Variants in PPA2 observed in about 807,000 individuals in gnomAD.
The protein encoded by PPA2 is inorganic pyrophosphatase 2, mitochondrial.
PPA2 carries 48 observed loss-of-function variants against 49.5 expected under a neutral mutation model. That is an observed-to-expected ratio of 0.97 (90% CI 0.77 to 1.23). The LOEUF (loss-of-function observed/expected upper bound fraction) is 1.23, where lower values mean the gene tolerates loss of function less well. Among genes scored for constraint, PPA2 ranks in the 50% most tolerant of loss-of-function variants. The probability of loss-of-function intolerance (pLI) is 0.00; values close to 1 mark genes in which losing one functional copy is unlikely to be tolerated. For synonymous variants in PPA2, 131 were observed against 139.9 expected, an observed-to-expected ratio of 0.94 and a Z score of 0.45; for missense variants, 429 against 410.1, an observed-to-expected ratio of 1.05 and a Z score of -0.40.
intron 10 of PPA2, among the ~76,000 whole-genome samples, chr4:105,380,764 C>A (rs1236338168): frequency 6.6e-6 from 1 of 152,016 alleles, no homozygotes; most frequent in Non-Finnish European, 1.5e-5. Context: ...ATGTCTATTG[C>A]TTTTAAAAAA....
intron 1 of PPA2, among the ~76,000 whole-genome samples, chr4:105,472,809 A>G (rs1224637482): frequency 1.3e-5 from 2 of 152,244 alleles, no homozygotes; most frequent in African/African-American, 4.8e-5. Flanking sequence ...CATAAATTAC[A>G]AATATCTATA....
intron 2 of PPA2, 54 bp from the exon 3 acceptor site, chr4:105,453,696 G>C: frequency 2.4e-6 from 3 of 1,270,134 alleles, no homozygotes; most frequent in Non-Finnish European, 3.4e-6. Context: ...GTATACAGTG[G>C]CACTGCATAG....
intron 5 of PPA2, 186 bp downstream of exon 5, chr4:105,446,197 A>G (rs1379707925): frequency 2.0e-5 from 10 of 500,302 alleles, no homozygotes; most frequent in Non-Finnish European, 3.4e-5. Context: ...GAGTATAGAC[A>G]TATATATGGT....
rs776062584 is a variant in PPA2, at chr4:105,446,434, C to T, written c.390G>A (p.Ala130=). The change falls in exon 5 of 12, where the codon GCG becomes GCA. Residue 130 remains alanine (A), a synonymous_variant. Transcript: ENST00000341695. ...YVKDGKLRYV[A]NIFPYKGYIW... ...TATAACCCTTGTAAGGGAAGATATT[C>T]GCCACATAGCGTAGCTTTCCATCCT... The T allele has an allele frequency of 9.3e-6, 15 of 1,604,930 alleles. No individual in the cohort carries two copies. The highest frequency in any genetic ancestry group is 3.3e-4 in the Middle Eastern group (2 of 6,068).
chr4:105,433,306 C>T (rs1371635284), intron 6 of PPA2, among the ~76,000 whole-genome samples: 1 of 152,130 alleles, frequency 6.6e-6, no homozygotes, highest in Non-Finnish European at 1.5e-5. Context: ...CTTAAAAAAA[C>T]ACCAAACCTC....
intron 9 of PPA2, among the ~76,000 whole-genome samples, chr4:105,392,381 A>C (rs2110384771): frequency 6.6e-6 from 1 of 152,208 alleles, no homozygotes; most frequent in African/African-American, 2.4e-5. Flanking sequence ...TTAAAAAAAA[A>C]CAAAAACAAG....
intron 4 of PPA2, among the ~76,000 whole-genome samples, chr4:105,448,552 T>C (rs6533195): frequency 0.013 from 1,896 of 149,752 alleles, 42 homozygotes; most frequent in African/African-American, 0.042. Context: ...GAAGTTCTTA[T>C]AGGTTCATTT....
At chr4:105,451,104 G>A (rs1043057129) in intron 3 of PPA2, among the ~76,000 whole-genome samples, 4 of 152,128 alleles carry the variant, frequency 2.6e-5, no homozygotes, top group East Asian at 3.9e-4. Flanking sequence ...AAGTTTCCCA[G>A]AGCCCCGTCT....
intron 8 of PPA2, among the ~76,000 whole-genome samples, chr4:105,396,678 A>G (rs1169371131): frequency 6.6e-6 from 1 of 152,162 alleles, no homozygotes; most frequent in Non-Finnish European, 1.5e-5. Context: ...ATGCTGCTCT[A>G]GTACTACGAT....
chr4:105,461,080 G>A (rs940103697), intron 1 of PPA2, among the ~76,000 whole-genome samples: 2 of 152,084 alleles, frequency 1.3e-5, no homozygotes, highest in African/African-American at 2.4e-5. Flanking sequence ...GCTTTAATGG[G>A]CAATATATCT....
chr4:105,390,618 C>T (rs998214565), intron 9 of PPA2, among the ~76,000 whole-genome samples: 1 of 152,138 alleles, frequency 6.6e-6, no homozygotes, highest in Admixed American at 6.5e-5. Context: ...CCATCTTGAG[C>T]CATGAATGGC....
At chr4:105,377,309 A>G (rs1207737454) in intron 10 of PPA2, among the ~76,000 whole-genome samples, 1 of 152,180 alleles carries the variant, frequency 6.6e-6, no homozygotes, top group Non-Finnish European at 1.5e-5. Context: ...AGCAGTAATG[A>G]CAATAAAACC....
chr4:105,446,640 G>T lies in PPA2; in HGVS notation c.322-138C>A, dbSNP rs11097890. The stretch of plus-strand genomic sequence containing the variant: ...CTTAATGATCAAAGATGCTTTAAAA[G>T]AAATTAAGCCAGCTCTTATTACTAA... On this transcript the variant is annotated intron_variant, in intron 4 of 11. Transcript: ENST00000341695. The T allele has an allele frequency of 7.9e-3, 8,629 of 1,087,122 alleles. 501 individuals are homozygous for T. The African/African-American group carries it at 0.13, about 16-fold the overall frequency. The allele number at this position is 1,087,122 out of a possible 1,614,324, so 67.3% of individuals were successfully genotyped here. A position where few individuals can be genotyped will look rare whatever the true frequency, so the allele number is the denominator to read the frequency against.
chr4:105,393,339 T>C (rs967927566), intron 9 of PPA2, among the ~76,000 whole-genome samples: 47 of 151,600 alleles, frequency 3.1e-4, no homozygotes, highest in Admixed American at 9.9e-4. Flanking sequence ...TCAAAAAATT[T>C]AAAAAGTAGC....
chr4:105,449,511 A>C, intron 3 of PPA2, 108 bp from the exon 4 acceptor site: 2 of 629,990 alleles, frequency 3.2e-6, no homozygotes, highest in South Asian at 4.8e-5. Context: ...GACAAAAAAA[A>C]TGTTGAGTCT....
At chr4:105,377,748 T>C (rs954862291) in intron 10 of PPA2, among the ~76,000 whole-genome samples, 1 of 152,158 alleles carries the variant, frequency 6.6e-6, no homozygotes, top group Non-Finnish European at 1.5e-5. Context: ...TCTGCATCAT[T>C]ATACATTAGC....
intron 4 of PPA2, 135 bp from the exon 5 acceptor site, chr4:105,446,637 A>G: frequency 2.7e-6 from 3 of 1,120,574 alleles, no homozygotes; most frequent in Non-Finnish European, 3.7e-6. Flanking sequence ...AGATGCTTTA[A>G]AAGAAATTAA....
intron 8 of PPA2, chr4:105,398,412 C>T (rs1235984966): frequency 6.6e-6 from 1 of 152,082 alleles, no homozygotes; most frequent in Non-Finnish European, 1.5e-5. Context: ...TGCCTTATTT[C>T]ACTTATAAAA....
intron 7 of PPA2, among the ~76,000 whole-genome samples, chr4:105,414,443 C>T (rs1013166439): frequency 3.9e-5 from 6 of 152,220 alleles, no homozygotes; most frequent in Non-Finnish European, 7.3e-5. Context: ...AGCCTGGATC[C>T]CACGCATGCC....
Sources: gnomAD v4.1 joint callset for allele counts (sites outside exome capture counted in the v4.1 genomes callset) on GRCh38, gnomAD v4.1.1 for gene constraint, MANE v1.5 for transcripts, NCBI Gene and HGNC (gene_info 2026-07-23, HGNC 2026-07-21) for gene names.